The following MAMLD1 variants were observed in gnomAD, a reference collection of about 807,000 sequenced individuals.
The protein encoded by MAMLD1 is mastermind-like domain-containing protein 1.
In MAMLD1, 14 loss-of-function variants were observed where a neutral mutation model predicts 45.0. The observed-to-expected ratio is 0.31, with a 90% confidence interval of 0.21 to 0.49. MAMLD1 has a LOEUF of 0.49. MAMLD1 is among the 20% of genes least tolerant of loss of function. The pLI, the probability that MAMLD1 is intolerant of heterozygous loss-of-function variation, is 0.99. For missense variants in MAMLD1, 543 were observed against 603.6 expected (o/e 0.90, Z 1.05); for synonymous variants, 254 against 247.8 (o/e 1.02, Z -0.24).
chrX:150,422,904 T>A lies in MAMLD1; in HGVS notation c.-63-22550T>A, dbSNP rs782123325. On this transcript the variant is annotated intron_variant, in intron 1 of 7. Coordinates refer to ENST00000370401, the MANE Select transcript of MAMLD1 (RefSeq NM_005491.5). ...GCCTTTAGTGCACACAGCACCACCC[T>A]GTCCAAGGGGCTTTCTGGTTCAAGG... 5.4e-5 allele frequency among the ~76,000 whole-genome samples: 6 copies of A among 111,779 alleles called. 1 individual carries two copies. The South Asian group carries it at 2.3e-3, about 42-fold the overall frequency.
At chrX:150,467,720 A>AGT (rs2036267654) in intron 3 of MAMLD1, among the ~76,000 whole-genome samples, 1 of 112,310 alleles carries the variant, frequency 8.9e-6, no homozygotes, top group Non-Finnish European at 1.9e-5. Context: ...GAGGCAGCTG[A>AGT]GTGGTGGTGG....
chrX:150,450,247 G>A (rs2035618347), intron 2 of MAMLD1, among the ~76,000 whole-genome samples: 1 of 112,496 alleles, frequency 8.9e-6, no homozygotes, highest in African/African-American at 3.2e-5. Flanking sequence ...CAGAAAGCTA[G>A]GCTGCTTTAA....
intron 6 of MAMLD1, 106 bp from the exon 7 acceptor site, chrX:150,509,856 C>A: frequency 1.6e-6 from 1 of 610,956 alleles, no homozygotes; most frequent in Non-Finnish European, 2.8e-6. Flanking sequence ...TTTATTCATG[C>A]TTTCTGCTGC....
chrX:150,404,035 G>GGAAGGAA (rs2033934357), intron 1 of MAMLD1, among the ~76,000 whole-genome samples: 1 of 64,660 alleles, frequency 1.5e-5, no homozygotes, highest in African/African-American at 9.2e-5. Context: ...GGGAGGAAGG[G>GGAAGGAA]AGGAAGGAAG....
At position 150,513,702 on chromosome X, in the gene MAMLD1, G is replaced by C. The variant is rs1183162622; in HGVS notation, c.*1743G>C. 1.0e-5 allele frequency: 3 copies of C among 295,864 alleles called. No individual in the cohort carries two copies. Among genetic ancestry groups the C allele is most frequent in the Non-Finnish European group, 1.8e-5 (3 of 170,192 alleles). 24.4% of individuals were successfully genotyped at this position (295,864 alleles called of 1,213,427 possible). ...CAGAGACACTTTACCAGGAGGCTGG[G>C]AGAGTTCTCCAGATTTGGGAGAGGC... is the stretch of plus-strand genomic sequence containing the variant. On this transcript the variant is annotated 3_prime_UTR_variant, in exon 8 of 8. Coordinates refer to ENST00000370401, the MANE Select transcript of MAMLD1 (RefSeq NM_005491.5).
chrX:150,502,127 T>C (rs2037573972), intron 5 of MAMLD1, among the ~76,000 whole-genome samples: 1 of 113,258 alleles, frequency 8.8e-6, no homozygotes, highest in South Asian at 3.6e-4. Flanking sequence ...GCAATTTTTA[T>C]TGTTATTTCA....
rs142788140 is a variant in MAMLD1 at position 150,488,440 on chromosome X, C to T, written c.2040+14638C>T. On this transcript the variant is annotated intron_variant, in intron 5 of 7. Coordinates refer to ENST00000370401, the MANE Select transcript of MAMLD1 (RefSeq NM_005491.5). ...GCTGCATCTTGAATGCATCTGCAGG[C>T]AGCTTCAAATGTGAGAATAAGATAT... is the stretch of plus-strand genomic sequence containing the variant. 1.7e-4 allele frequency among the ~76,000 whole-genome samples: 19 copies of T among 112,811 alleles called. No homozygotes were observed. In the East Asian group the frequency reaches 5.3e-3, roughly 31 times the overall value.
At chrX:150,392,226 A>T (rs2033210256) in intron 1 of MAMLD1, among the ~76,000 whole-genome samples, 1 of 112,259 alleles carries the variant, frequency 8.9e-6, no homozygotes, top group African/African-American at 3.2e-5. Context: ...ATTCTTCCTT[A>T]TTCAGTCTTG....
At chrX:150,483,729 G>A (rs376923883) in intron 5 of MAMLD1, among the ~76,000 whole-genome samples, 35 of 111,370 alleles carry the variant, frequency 3.1e-4, no homozygotes, top group Middle Eastern at 4.6e-3. Flanking sequence ...ATTTTATACC[G>A]CCAGTGGTAA....
At chrX:150,454,154 G>A (rs1602866672) in intron 2 of MAMLD1, among the ~76,000 whole-genome samples, 1 of 112,032 alleles carries the variant, frequency 8.9e-6, no homozygotes, top group Non-Finnish European at 1.9e-5. Context: ...TAAGCTTCAG[G>A]CCCTAAAGTT....
intron 5 of MAMLD1, among the ~76,000 whole-genome samples, chrX:150,502,335 C>T (rs782754015): frequency 2.7e-4 from 30 of 112,073 alleles, no homozygotes; most frequent in Non-Finnish European, 4.1e-4. Context: ...GTATTAAAAG[C>T]AGGAGAGTAG....
At chrX:150,487,173 G>T (rs1349933627) in intron 5 of MAMLD1, among the ~76,000 whole-genome samples, 1 of 111,186 alleles carries the variant, frequency 9.0e-6, no homozygotes, top group East Asian at 2.8e-4. Flanking sequence ...ATCCTTATGG[G>T]CCCTTCTGAT....
chrX:150,430,951 G>T lies in MAMLD1; in HGVS notation c.-63-14503G>T, dbSNP rs782298496. 3.6e-5 allele frequency among the ~76,000 whole-genome samples: 4 copies of T among 111,533 alleles called. No individual in the cohort carries two copies. The South Asian group carries it at 1.5e-3, about 42-fold the overall frequency. On this transcript the variant is annotated intron_variant, in intron 1 of 7. Transcript: ENST00000370401. ...CTCTACTTCCTTTCCATAAAATTTT[G>T]GAAAAATCTTTTTTATATCTACAAA...
intron 5 of MAMLD1, among the ~76,000 whole-genome samples, chrX:150,492,942 C>T (rs1557408014): frequency 1.8e-5 from 2 of 111,378 alleles, no homozygotes; most frequent in Non-Finnish European, 3.8e-5. Flanking sequence ...CCAGATGGGT[C>T]AGAAGAAGAC....
intron 2 of MAMLD1, among the ~76,000 whole-genome samples, chrX:150,455,334 G>C (rs1355044076): frequency 9.0e-6 from 1 of 111,463 alleles, no homozygotes; most frequent in African/African-American, 3.3e-5. Flanking sequence ...ATTTTGATTT[G>C]GTTTACAAAA....
intron 2 of MAMLD1, among the ~76,000 whole-genome samples, chrX:150,451,261 T>C (rs1327135629): frequency 8.9e-6 from 1 of 112,499 alleles, no homozygotes; most frequent in Non-Finnish European, 1.9e-5. Flanking sequence ...TGCCTAGCTC[T>C]TTCCCACAGT....
At chrX:150,367,733 C>G (rs1360818014) in intron 1 of MAMLD1, among the ~76,000 whole-genome samples, 4 of 107,691 alleles carry the variant, frequency 3.7e-5, no homozygotes, top group Non-Finnish European at 7.7e-5. Flanking sequence ...CGACAGGCCC[C>G]GGTGTGTGAT....
At chrX:150,401,162 C>T (rs782737024) in intron 1 of MAMLD1, among the ~76,000 whole-genome samples, 13 of 111,342 alleles carry the variant, frequency 1.2e-4, no homozygotes, top group African/African-American at 4.3e-4. Context: ...TTCAGAGATT[C>T]AACTTCTTCC....
At chrX:150,483,714 A>G (rs782820970) in intron 5 of MAMLD1, among the ~76,000 whole-genome samples, 7 of 112,584 alleles carry the variant, frequency 6.2e-5, no homozygotes, top group Non-Finnish European at 1.1e-4. Context: ...TCCAACAAGT[A>G]CACAATTTTA....
Sources: gnomAD v4.1 joint callset for allele counts (sites outside exome capture counted in the v4.1 genomes callset) on GRCh38, gnomAD v4.1.1 for gene constraint, MANE v1.5 for transcripts, NCBI Gene and HGNC (gene_info 2026-07-23, HGNC 2026-07-21) for gene names.